MCPH1: variants seen among roughly 807,000 people sequenced by gnomAD.
The protein encoded by MCPH1 is microcephalin.
Under a neutral mutation model 84.5 loss-of-function variants are expected in MCPH1, and 104 were observed. The observed-to-expected ratio is 1.23, with a 90% confidence interval of 1.05 to 1.45. The LOEUF is 1.45. MCPH1 is among the 40% of genes most tolerant of loss of function. MCPH1 has a pLI of 0.00. For synonymous variants in MCPH1, 514 were observed against 366.8 expected, an observed-to-expected ratio of 1.40 and a Z score of -4.58; for missense variants, 1,498 against 1,005.7, an observed-to-expected ratio of 1.49 and a Z score of -6.62.
intron 12 of MCPH1, among the ~76,000 whole-genome samples, chr8:6,566,939 T>C (rs1826221390): frequency 1.4e-5 from 2 of 146,156 alleles, no homozygotes; most frequent in Non-Finnish European, 3.0e-5. Flanking sequence ...CGCGGTGCGG[T>C]GACCGTGTGT....
intron 12 of MCPH1, among the ~76,000 whole-genome samples, chr8:6,607,773 T>C (rs1829910699): frequency 6.6e-6 from 1 of 152,222 alleles, no homozygotes; most frequent in South Asian, 2.1e-4. Context: ...ATGTAAGACA[T>C]GCTGTCCACC....
intron 12 of MCPH1, among the ~76,000 whole-genome samples, chr8:6,581,264 A>G (rs1827543562): frequency 6.6e-6 from 1 of 152,242 alleles, no homozygotes; most frequent in African/African-American, 2.4e-5. Context: ...GGAATTATTT[A>G]TATCCTACTG....
At chr8:6,593,632 G>A (rs1406332722) in intron 12 of MCPH1, among the ~76,000 whole-genome samples, 1 of 152,198 alleles carries the variant, frequency 6.6e-6, no homozygotes, top group African/African-American at 2.4e-5. Context: ...GGGATTATAG[G>A]TGTGAACCCC....
At chr8:6,613,729 G>T (rs138059928) in intron 12 of MCPH1, among the ~76,000 whole-genome samples, 1 of 152,102 alleles carries the variant, frequency 6.6e-6, no homozygotes, top group African/African-American at 2.4e-5. Flanking sequence ...GGGCCGAGAG[G>T]AATGACAGTA....
At chr8:6,565,658 C>T (rs1367183091) in intron 12 of MCPH1, among the ~76,000 whole-genome samples, 1 of 152,134 alleles carries the variant, frequency 6.6e-6, no homozygotes, top group Non-Finnish European at 1.5e-5. Flanking sequence ...TACTTTTTGT[C>T]TACCAGCCTT....
chr8:6,611,538 C>T (rs895635325), intron 12 of MCPH1, among the ~76,000 whole-genome samples: 1 of 152,256 alleles, frequency 6.6e-6, no homozygotes, highest in Non-Finnish European at 1.5e-5. Context: ...TACGGAGCTG[C>T]CATGCCCTCT....
intron 1 of MCPH1, among the ~76,000 whole-genome samples, chr8:6,407,426 A>G (rs576329600): frequency 3.0e-4 from 46 of 152,278 alleles, no homozygotes; most frequent in Non-Finnish European, 1.3e-4. Flanking sequence ...CAGTGCTGAC[A>G]GGGCCTTAGA....
intron 8 of MCPH1, chr8:6,446,534 T>C: frequency 4.1e-6 from 4 of 983,930 alleles, no homozygotes; most frequent in Non-Finnish European, 4.8e-6. Context: ...ATCTTGGCTT[T>C]CTGAACATAT....
chr8:6,578,692 T>A (rs1409699985), intron 12 of MCPH1, among the ~76,000 whole-genome samples: 4 of 152,184 alleles, frequency 2.6e-5, no homozygotes. Flanking sequence ...GGTGTCAACA[T>A]GTCCAAGCTC....
At chr8:6,620,829 G>C (rs1831334206) in intron 12 of MCPH1, among the ~76,000 whole-genome samples, 1 of 152,154 alleles carries the variant, frequency 6.6e-6, no homozygotes, top group Non-Finnish European at 1.5e-5. Context: ...TCACATCCCT[G>C]CTTCTGAAAT....
intron 3 of MCPH1, among the ~76,000 whole-genome samples, chr8:6,430,335 C>T (rs1464476968): frequency 6.6e-6 from 1 of 152,118 alleles, no homozygotes; most frequent in East Asian, 1.9e-4. Flanking sequence ...TGGCACATGT[C>T]GTTTTGCTTC....
chr8:6,429,928 C>G (rs939326029), intron 3 of MCPH1, among the ~76,000 whole-genome samples: 1 of 152,176 alleles, frequency 6.6e-6, no homozygotes. Flanking sequence ...AAAGTACAAC[C>G]CTTGGAATCA....
intron 11 of MCPH1, among the ~76,000 whole-genome samples, chr8:6,484,562 C>G (rs910537040): frequency 6.6e-6 from 1 of 152,224 alleles, no homozygotes; most frequent in Non-Finnish European, 1.5e-5. Context: ...CACACAGAGT[C>G]TGTACGCGAA....
chr8:6,626,847 C>G (rs1010953000), intron 13 of MCPH1: 1 of 985,214 alleles, frequency 1.0e-6, no homozygotes, highest in Non-Finnish European at 1.2e-6. Flanking sequence ...GCTGTTATCA[C>G]GAAAGGCTGG....
intron 12 of MCPH1, among the ~76,000 whole-genome samples, chr8:6,542,886 A>G (rs886299755): frequency 6.6e-6 from 1 of 152,240 alleles, no homozygotes; most frequent in African/African-American, 2.4e-5. Flanking sequence ...CGAAACTTAG[A>G]TGATTTTCTA....
At chr8:6,608,281 TG>T (rs1313119158) in intron 12 of MCPH1, among the ~76,000 whole-genome samples, 1 of 152,154 alleles carries the variant, frequency 6.6e-6, no homozygotes, top group Admixed American at 6.5e-5. Context: ...GGTGTTGAGG[TG>T]TTCACAGGTG....
chr8:6,549,754 T>C (rs1823285860), intron 12 of MCPH1, among the ~76,000 whole-genome samples: 1 of 152,160 alleles, frequency 6.6e-6, no homozygotes. Context: ...GGGAGCCACG[T>C]GCAGGGCAGC....
chr8:6,521,331 G>A (rs1817298317), intron 12 of MCPH1: 1 of 1,613,616 alleles, frequency 6.2e-7, no homozygotes, highest in Non-Finnish European at 8.5e-7. Flanking sequence ...AACACCTGTA[G>A]CTGATCTTTC....
intron 6 of MCPH1, among the ~76,000 whole-genome samples, chr8:6,439,375 A>AG (rs1049251203): frequency 6.7e-6 from 1 of 150,286 alleles, no homozygotes; most frequent in African/African-American, 2.4e-5. Context: ...TTTTTTTTAA[A>AG]AAAAAATGAA....
Sources: allele counts gnomAD v4.1 joint callset (sites outside exome capture counted in the v4.1 genomes callset), GRCh38; gene constraint gnomAD v4.1.1; transcripts MANE v1.5; gene names NCBI Gene and HGNC (gene_info 2026-07-23, HGNC 2026-07-21).